The following IGFL2 variants were observed in gnomAD, a reference collection of about 807,000 sequenced individuals.
IGFL2 encodes the protein IGF like family member 2.
IGFL2 carries 7 observed loss-of-function variants against 13.9 expected under a neutral mutation model. The ratio of observed to expected loss-of-function variants is 0.51; its 90% CI spans 0.29 to 0.95. IGFL2 has a LOEUF of 0.95. IGFL2 is among the 40% of genes least tolerant of loss of function. IGFL2 has a pLI of 0.08. For missense variants in IGFL2, 138 were observed against 147.8 expected, an observed-to-expected ratio of 0.93 and a Z score of 0.34; for synonymous variants, 55 against 55.8, an observed-to-expected ratio of 0.99 and a Z score of 0.07.
At chr19:46,211,257 G>T in the IGFL2 span, among the ~76,000 whole-genome samples, 1 of 152,206 alleles carries the variant, frequency 6.6e-6, no homozygotes, top group Non-Finnish European at 1.5e-5. Context: ...TTAGGCTTTG[G>T]TCAACAGAAG....
chr19:46,084,890 C>T, the IGFL2 span, among the ~76,000 whole-genome samples: 2 of 152,312 alleles, frequency 1.3e-5, no homozygotes, highest in South Asian at 2.1e-4. Flanking sequence ...GTCCTTTTCA[C>T]GTTGCAAAAT....
the IGFL2 span, chr19:46,190,282 C>T: frequency 6.6e-6 from 1 of 152,208 alleles, no homozygotes; most frequent in African/African-American, 2.4e-5. Flanking sequence ...AGAACTCATT[C>T]ACCTGTCCTC....
At chr19:46,157,919 A>C (rs748769275) in intron 1 of IGFL2, among the ~76,000 whole-genome samples, 3 of 152,216 alleles carry the variant, frequency 2.0e-5, no homozygotes, top group Admixed American at 2.0e-4. Context: ...CCTATAACTA[A>C]TAAGTGAGTT....
At chr19:46,177,092 G>A in the IGFL2 span, among the ~76,000 whole-genome samples, 1 of 151,240 alleles carries the variant, frequency 6.6e-6, no homozygotes, top group Non-Finnish European at 1.5e-5. Flanking sequence ...CAAAAGATCT[G>A]TCCTCTACTA....
chr19:46,099,552 G>A, the IGFL2 span, among the ~76,000 whole-genome samples: 36 of 147,492 alleles, frequency 2.4e-4, no homozygotes, highest in African/African-American at 5.3e-4. Context: ...TTTTTGAGAC[G>A]GAGTCTCACT....
At chr19:46,204,179 C>T in the IGFL2 span, 1 of 152,202 alleles carries the variant, frequency 6.6e-6, no homozygotes, top group Non-Finnish European at 1.5e-5. Context: ...GGAGGACAGC[C>T]AGTGCTCTCC....
intron 1 of IGFL2, among the ~76,000 whole-genome samples, chr19:46,157,126 G>T (rs1163658879): frequency 6.6e-6 from 1 of 152,064 alleles, no homozygotes; most frequent in African/African-American, 2.4e-5. Context: ...ATAGAATTCA[G>T]AATTTAAAAT....
At chr19:46,078,722 T>TA in the IGFL2 span, among the ~76,000 whole-genome samples, 1 of 152,218 alleles carries the variant, frequency 6.6e-6, no homozygotes. Context: ...TCTCTGGGGG[T>TA]ATTTGAGCCG....
At chr19:46,136,428 GA>G in the IGFL2 span, among the ~76,000 whole-genome samples, 3 of 152,074 alleles carry the variant, frequency 2.0e-5, no homozygotes, top group South Asian at 4.1e-4. Flanking sequence ...GGTTCTTTAA[GA>G]ATTGCACAGT....
chr19:46,189,832 A>G, the IGFL2 span: 1 of 151,954 alleles, frequency 6.6e-6, no homozygotes, highest in African/African-American at 2.4e-5. Context: ...TACGATCTAT[A>G]TCTAGTATAA....
chr19:46,113,197 A>C, the IGFL2 span: 1 of 172,160 alleles, frequency 5.8e-6, no homozygotes, highest in Non-Finnish European at 1.2e-5. Context: ...AGAGGCAAAA[A>C]GCGTTCCGTC....
chr19:46,137,287 C>T, the IGFL2 span: 1 of 1,137,460 alleles, frequency 8.8e-7, no homozygotes, highest in East Asian at 2.4e-5. Flanking sequence ...GATGCGTACA[C>T]CACATGCAAT....
chr19:46,167,768 T>C, the IGFL2 span, among the ~76,000 whole-genome samples: 5 of 152,128 alleles, frequency 3.3e-5, no homozygotes, highest in Admixed American at 2.0e-4. Flanking sequence ...GGTGTCCTTA[T>C]AAGAAGAGCC....
the IGFL2 span, among the ~76,000 whole-genome samples, chr19:46,186,577 A>G: frequency 6.6e-6 from 1 of 152,234 alleles, no homozygotes; most frequent in Non-Finnish European, 1.5e-5. Flanking sequence ...AGCCCAGCTG[A>G]TAAAATGAAC....
the IGFL2 span, among the ~76,000 whole-genome samples, chr19:46,088,947 G>A: frequency 1.3e-5 from 2 of 152,224 alleles, no homozygotes; most frequent in African/African-American, 4.8e-5. Context: ...CTATGAACAT[G>A]ACTGGGTTAA....
chr19:46,130,866 T>C, the IGFL2 span, among the ~76,000 whole-genome samples: 4 of 152,326 alleles, frequency 2.6e-5, no homozygotes, highest in East Asian at 7.7e-4. Flanking sequence ...TATGTTTTCC[T>C]CGCCTTTGTG....
At chr19:46,133,780 T>C in the IGFL2 span, among the ~76,000 whole-genome samples, 6 of 152,188 alleles carry the variant, frequency 3.9e-5, no homozygotes. Flanking sequence ...CCTCTACTTA[T>C]TTTATTTTCT....
At chr19:46,170,755 G>C in the IGFL2 span, among the ~76,000 whole-genome samples, 2 of 152,248 alleles carry the variant, frequency 1.3e-5, no homozygotes, top group Admixed American at 1.3e-4. Flanking sequence ...GATGAAACAT[G>C]CTCTGGCCTC....
the IGFL2 span, chr19:46,205,003 T>C: frequency 6.6e-6 from 1 of 152,028 alleles, no homozygotes; most frequent in Admixed American, 6.6e-5. Flanking sequence ...GCCATGCTGT[T>C]CTCAAACTCC....
Sources: gnomAD v4.1 joint callset for allele counts (sites outside exome capture counted in the v4.1 genomes callset) on GRCh38, gnomAD v4.1.1 for gene constraint, MANE v1.5 for transcripts, NCBI Gene and HGNC (gene_info 2026-07-23, HGNC 2026-07-21) for gene names.